RCBTB2: variants seen among roughly 807,000 people sequenced by gnomAD.
RCBTB2 encodes RCC1 and BTB domain containing protein 2.
In RCBTB2, 55 loss-of-function variants were observed where a neutral mutation model predicts 65.4. The ratio of observed to expected loss-of-function variants is 0.84; its 90% confidence interval spans 0.68 to 1.05. The LOEUF is 1.05. Among genes scored for constraint, RCBTB2 ranks in the 50% least tolerant of loss-of-function variants. The probability of loss-of-function intolerance (pLI) is 0.00; values close to 1 mark genes in which losing one functional copy is unlikely to be tolerated. For synonymous variants in RCBTB2, 220 were observed against 255.2 expected, an observed-to-expected ratio of 0.86 and a Z score of 1.31; for missense variants, 599 against 680.1, an observed-to-expected ratio of 0.88 and a Z score of 1.33.
chr13:48,512,025 G>A lies in RCBTB2; in HGVS notation c.666C>T (p.Asp222=). 1 of 1,613,828 alleles carries A rather than the reference G, an allele frequency of 6.2e-7. No homozygotes were observed. The highest frequency in any genetic ancestry group is 8.5e-7 in the Non-Finnish European group (1 of 1,179,764). ...AAAATAACTTCCTTACCTCCCCCGT[G>A]TCTACTACTGCCATGCAGCACATCT... ...CGQMCCMAVV[D]TGEVYVWGYN... is the part of the protein sequence containing the mutation. The change falls in exon 8 of 15, where the codon GAC becomes GAT. Residue 222 remains aspartate (D), a synonymous_variant. Coordinates refer to ENST00000344532, the MANE Select transcript of RCBTB2 (RefSeq NM_001268.4).
In RCBTB2 at chr13:48,504,390, C is replaced by T; in HGVS notation, c.927-1476G>A. The T allele has an allele frequency of 3.2e-6, 3 of 933,204 alleles. No individual in the cohort carries two copies. In the South Asian group the frequency reaches 1.5e-4, roughly 46 times the overall value. The allele number at this position is 933,204 out of a possible 1,614,324, so 57.8% of individuals were successfully genotyped here. On this transcript the variant is annotated intron_variant, in intron 10 of 14. Coordinates refer to ENST00000344532, the MANE Select transcript of RCBTB2 (RefSeq NM_001268.4). ...TCACAAGTCAATTTTGTCCACACAC[C>T]CTGTTTCAACAAACAGGCTTTCTCA... is the stretch of plus-strand genomic sequence containing the variant.
chr13:48,533,280 C>T (rs1316956997), upstream of RCBTB2: 3 of 310,284 alleles, frequency 9.7e-6, no homozygotes, highest in South Asian at 4.6e-5. Context: ...CAGACGCCCC[C>T]TCCCCTCGGA....
At position 48,512,796 on chromosome 13, in the gene RCBTB2, G is replaced by A; in HGVS notation, c.449C>T (p.Ser150Leu). ...GGCAACTTCAATGACTTGTTTGTTT[G>A]ACAGATTAGTAGAGATATGACAGGG... ...LVPCHISTNLSNKQVIEVACG... is the reference protein window; with the variant it reads ...LVPCHISTNLLNKQVIEVACG... Residue 150 changes from serine (S) to leucine (L), a missense_variant, in exon 7 of 15, where the codon TCA becomes TTA. By Grantham distance (145) the Ser-to-Leu change is moderately radical (BLOSUM62 -2). Coordinates refer to ENST00000344532, the MANE Select transcript of RCBTB2 (RefSeq NM_001268.4). 6.2e-7 allele frequency: 1 copy of A among 1,614,022 alleles called. No homozygotes were observed. Among genetic ancestry groups the A allele is most frequent in the Non-Finnish European group, 8.5e-7 (1 of 1,179,912 alleles).
chr13:48,497,453 GCAGT>G (rs1386345554), intron 13 of RCBTB2, among the ~76,000 whole-genome samples: 1 of 152,172 alleles, frequency 6.6e-6, no homozygotes, highest in Non-Finnish European at 1.5e-5. Flanking sequence ...TCTAATTGAA[GCAGT>G]CAATCAGCAT....
chr13:48,493,447 C>T (rs1175879100), intron 14 of RCBTB2, among the ~76,000 whole-genome samples: 1 of 151,746 alleles, frequency 6.6e-6, no homozygotes, highest in Non-Finnish European at 1.5e-5. Flanking sequence ...ATCATATCTG[C>T]TCCTCTCCAA....
chr13:48,516,757 C>T (rs1006767709), intron 4 of RCBTB2, among the ~76,000 whole-genome samples: 12 of 152,194 alleles, frequency 7.9e-5, no homozygotes, highest in Non-Finnish European at 1.6e-4. Flanking sequence ...CACGAGCACC[C>T]ACACTCCTAT....
chr13:48,518,027 G>A (rs1252801302), intron 4 of RCBTB2, among the ~76,000 whole-genome samples: 3 of 152,196 alleles, frequency 2.0e-5, no homozygotes, highest in African/African-American at 4.8e-5. Flanking sequence ...GGAAGTCAAG[G>A]AGCAGCAAGG....
intron 12 of RCBTB2, among the ~76,000 whole-genome samples, chr13:48,500,539 T>C (rs879757863): frequency 6.6e-6 from 1 of 151,884 alleles, no homozygotes; most frequent in African/African-American, 2.4e-5. Flanking sequence ...GCCTGGGCAA[T>C]AGAGAAAGAC....
chr13:48,523,657 G>C (rs889669393), intron 2 of RCBTB2, among the ~76,000 whole-genome samples: 1 of 152,100 alleles, frequency 6.6e-6, no homozygotes, highest in Non-Finnish European at 1.5e-5. Flanking sequence ...GAAAGAGGGA[G>C]AGAAGAGAAA....
chr13:48,509,070 C>T (rs1292077358), intron 10 of RCBTB2, among the ~76,000 whole-genome samples: 1 of 152,134 alleles, frequency 6.6e-6, no homozygotes, highest in Non-Finnish European at 1.5e-5. Context: ...GTGGCTCATA[C>T]CTGTAATCCC....
chr13:48,525,505 T>C (rs1167893804), intron 1 of RCBTB2, among the ~76,000 whole-genome samples: 2 of 150,412 alleles, frequency 1.3e-5, no homozygotes, highest in Non-Finnish European at 3.0e-5. Context: ...TTTCCATTTT[T>C]CTACTTTATG....
At chr13:48,532,991 C>G (rs1209147658) in intron 1 of RCBTB2, 37 bp downstream of exon 1, 3 of 455,634 alleles carry the variant, frequency 6.6e-6, no homozygotes, top group Non-Finnish European at 1.3e-5. Context: ...GGCCGCGATC[C>G]CCCTCGGCCT....
chr13:48,532,128 T>C (rs1952167683), intron 1 of RCBTB2: 1 of 152,216 alleles, frequency 6.6e-6, no homozygotes, highest in Non-Finnish European at 1.5e-5. Flanking sequence ...GTTGCAACAT[T>C]TTATGTAATT....
chr13:48,518,780 A>G (rs565652205), intron 4 of RCBTB2, among the ~76,000 whole-genome samples: 1 of 152,156 alleles, frequency 6.6e-6, no homozygotes, highest in Admixed American at 6.5e-5. Context: ...GCCACAATAG[A>G]GCTAAGGATG....
chr13:48,497,260 T>C (rs1950024291), intron 13 of RCBTB2, among the ~76,000 whole-genome samples: 1 of 152,164 alleles, frequency 6.6e-6, no homozygotes, highest in Non-Finnish European at 1.5e-5. Flanking sequence ...CAGGGTTAAA[T>C]CCTCAGACAC....
At chr13:48,504,413 T>C (rs915298121) in intron 10 of RCBTB2, 1 of 765,110 alleles carries the variant, frequency 1.3e-6, no homozygotes, top group African/African-American at 1.9e-5. Flanking sequence ...ACAGGCTTTC[T>C]CATTGACCTT....
Position 48,496,304 on chromosome 13 carries a change from T to C in RCBTB2, c.1402A>G (p.Thr468Ala), listed in dbSNP as rs778983293. ...TTCAAACGATTTTCTCTATAAAATG[T>C]AGCCAAGTCTAGCAGTCCTGGCGGA... is the stretch of plus-strand genomic sequence containing the variant. ...EEAVGLLDLA[T>A]FYRENRLKKL... is the part of the protein sequence containing the mutation. Residue 468 changes from threonine to alanine, a missense_variant, in exon 14 of 15, where the codon ACA becomes GCA. Thr to Ala is a moderately conservative substitution (Grantham distance 58). Transcript: ENST00000344532. 4 of 1,582,492 alleles carry C rather than the reference T, an allele frequency of 2.5e-6. No individual in the cohort carries two copies. The highest frequency in any genetic ancestry group is 3.4e-6 in the Non-Finnish European group (4 of 1,165,140).
chr13:48,515,222 A>G lies in RCBTB2; in HGVS notation c.332T>C (p.Ile111Thr), dbSNP rs1233501309. ...TAGGTTACCTGTTGTTGCAAGGACA[A>G]TATGTGGACCACTCCCATAGCTGAG... ...ACLSYGSGPH[I>T]VLATTEGEVF... Residue 111 changes from isoleucine to threonine, a missense_variant, in exon 6 of 15, where the codon ATT becomes ACT. By Grantham distance (89) the Ile-to-Thr change is moderately conservative. Coordinates refer to ENST00000344532, the MANE Select transcript of RCBTB2 (RefSeq NM_001268.4). 5 of 1,613,828 alleles carry G rather than the reference A, an allele frequency of 3.1e-6. No homozygotes were observed. Among genetic ancestry groups the G allele is most frequent in the Non-Finnish European group, 4.2e-6 (5 of 1,179,950 alleles).
At chr13:48,527,398 A>ATATATATATATG (rs1951866672) in intron 1 of RCBTB2, among the ~76,000 whole-genome samples, 1 of 90,498 alleles carries the variant, frequency 1.1e-5, no homozygotes, top group Non-Finnish European at 2.5e-5. Flanking sequence ...TATTTATATT[A>ATATATATATATG]AAAGGTGCTT....
Sources: allele counts gnomAD v4.1 joint callset (sites outside exome capture counted in the v4.1 genomes callset), GRCh38; gene constraint gnomAD v4.1.1; transcripts MANE v1.5; gene names NCBI Gene and HGNC (gene_info 2026-07-23, HGNC 2026-07-21).